Variants in CSMD1 observed in about 807,000 individuals in gnomAD.
The protein encoded by CSMD1 is CUB and sushi domain-containing protein 1.
Under a neutral mutation model 417.5 loss-of-function variants are expected in CSMD1, and 213 were observed. That is an observed-to-expected ratio of 0.51 (90% CI 0.46 to 0.57). CSMD1 has a LOEUF of 0.57. CSMD1 is among the 20% of genes least tolerant of loss of function. The pLI is 0.00. For missense variants in CSMD1, 6,923 were observed against 4,529.7 expected (o/e 1.53, Z -15.17); for synonymous variants, 2,862 against 1,736.8 (o/e 1.65, Z -16.11).
chr8:3,691,135 G>C (rs1800217491), intron 7 of CSMD1, among the ~76,000 whole-genome samples: 1 of 152,140 alleles, frequency 6.6e-6, no homozygotes, highest in East Asian at 1.9e-4. Context: ...GGGAGGCCGG[G>C]GCAGGCGGAT....
At chr8:4,464,773 G>T (rs1039110887) in intron 2 of CSMD1, among the ~76,000 whole-genome samples, 3 of 152,220 alleles carry the variant, frequency 2.0e-5, no homozygotes, top group South Asian at 4.1e-4. Flanking sequence ...TGCTGAGTGG[G>T]GTGGGGCTGG....
At position 2,963,351 on chromosome 8, in the gene CSMD1, C is replaced by T. The variant is rs780990878; in HGVS notation, c.9325G>A (p.Glu3109Lys). Residue 3109 changes from glutamate (E) to lysine (K), a missense_variant, in exon 60 of 70, where the codon GAG becomes AAG. Transcript: ENST00000635120. ...GAGCCCCAGCGGAAATCACTTCCCT[C>T]CACTGTTCCATTCTGCACCGGCGGC... Reference protein sequence around the residue: ...QPPPVQNGTVEGSDFRWGSSI... With the variant: ...QPPPVQNGTVKGSDFRWGSSI... The T allele has an allele frequency of 3.1e-6, 5 of 1,613,968 alleles. No homozygotes were observed. The highest frequency in any genetic ancestry group is 4.2e-6 in the Non-Finnish European group (5 of 1,179,868).
At chr8:3,535,794 C>A (rs1798170760) in intron 10 of CSMD1, among the ~76,000 whole-genome samples, 1 of 152,110 alleles carries the variant, frequency 6.6e-6, no homozygotes, top group African/African-American at 2.4e-5. Context: ...TGAAAATTCC[C>A]AAGGGCTGGA....
chr8:4,646,491 G>C (rs1585385625), intron 1 of CSMD1, among the ~76,000 whole-genome samples: 1 of 152,268 alleles, frequency 6.6e-6, no homozygotes. Flanking sequence ...AATTGATGTA[G>C]TTTAATTGGG....
chr8:3,987,773 G>A (rs1427634031), intron 5 of CSMD1, among the ~76,000 whole-genome samples: 1 of 152,216 alleles, frequency 6.6e-6, no homozygotes, highest in East Asian at 1.9e-4. Flanking sequence ...TCAGGCCAAA[G>A]CAGGCTCTGC....
intron 3 of CSMD1, among the ~76,000 whole-genome samples, chr8:4,377,660 C>G (rs1802841478): frequency 2.0e-5 from 3 of 152,096 alleles, no homozygotes; most frequent in African/African-American, 7.2e-5. Context: ...TTCTTTTTAG[C>G]AAAGTATATA....
At chr8:3,691,105 AC>A (rs1800214839) in intron 7 of CSMD1, among the ~76,000 whole-genome samples, 1 of 152,026 alleles carries the variant, frequency 6.6e-6, no homozygotes, top group Non-Finnish European at 1.5e-5. Context: ...GGTGGCTCAC[AC>A]CTGTAACCCC....
intron 1 of CSMD1, among the ~76,000 whole-genome samples, chr8:4,816,134 TTGTC>T (rs1258199141): frequency 6.6e-6 from 1 of 152,018 alleles, no homozygotes; most frequent in Non-Finnish European, 1.5e-5. Flanking sequence ...GACTTCAAGT[TTGTC>T]TGAGGCTTTG....
intron 2 of CSMD1, among the ~76,000 whole-genome samples, chr8:4,474,702 C>A (rs1800707626): frequency 6.6e-6 from 1 of 152,130 alleles, no homozygotes; most frequent in African/African-American, 2.4e-5. Context: ...GAGCAGTTTA[C>A]TCCCACGTGG....
chr8:4,261,599 G>C (rs1162407417), intron 3 of CSMD1, among the ~76,000 whole-genome samples: 1 of 151,926 alleles, frequency 6.6e-6, no homozygotes, highest in South Asian at 2.1e-4. Context: ...TTATAGAGAT[G>C]AGGTCTTGCT....
chr8:3,776,958 C>G (rs2129061356), intron 5 of CSMD1, among the ~76,000 whole-genome samples: 1 of 152,022 alleles, frequency 6.6e-6, no homozygotes, highest in African/African-American at 2.4e-5. Flanking sequence ...AAGTGATTCT[C>G]CTACCTGGGC....
chr8:4,069,048 A>G (rs1799406897), intron 3 of CSMD1, among the ~76,000 whole-genome samples: 1 of 152,152 alleles, frequency 6.6e-6, no homozygotes, highest in Non-Finnish European at 1.5e-5. Context: ...CTTTCCTTCT[A>G]TAGACTATTT....
At position 3,348,082 on chromosome 8, in the gene CSMD1, A is replaced by G. The variant is rs764661343; in HGVS notation, c.3384T>C (p.His1128=). Residue 1128 remains histidine (H), a synonymous_variant, in exon 22 of 70, where the codon CAT becomes CAC. Coordinates refer to ENST00000635120, the MANE Select transcript of CSMD1 (RefSeq NM_033225.6). ...PNFPSNYDNN[H]ECIYKIETEA... The stretch of plus-strand genomic sequence containing the variant: ...CTGTTTCTATTTTATAGATACACTC[A>G]TGGTTATTATCATAATTGGATGGAA... The G allele has an allele frequency of 3.4e-5, 55 of 1,612,420 alleles. No homozygotes were observed. Among genetic ancestry groups the G allele is most frequent in the Non-Finnish European group, 4.2e-5 (50 of 1,178,992 alleles).
intron 3 of CSMD1, among the ~76,000 whole-genome samples, chr8:4,316,430 G>A (rs888374982): frequency 7.2e-5 from 11 of 152,132 alleles, no homozygotes; most frequent in Non-Finnish European, 1.6e-4. Flanking sequence ...ATATTAGGTT[G>A]ATGTGAAATA....
At chr8:3,610,317 G>A (rs140562392) in intron 8 of CSMD1, among the ~76,000 whole-genome samples, 25 of 152,274 alleles carry the variant, frequency 1.6e-4, no homozygotes, top group African/African-American at 5.8e-4. Context: ...AGGACTGCTT[G>A]AGGCCAGGAG....
At chr8:3,171,550 C>T (rs1820584560) in intron 37 of CSMD1, among the ~76,000 whole-genome samples, 1 of 152,160 alleles carries the variant, frequency 6.6e-6, no homozygotes, top group African/African-American at 2.4e-5. Flanking sequence ...CATGTCTAGA[C>T]TCTTTATTCC....
chr8:3,635,483 CTTTTTTT>C (rs562990317), intron 7 of CSMD1, among the ~76,000 whole-genome samples: 1 of 125,932 alleles, frequency 7.9e-6, no homozygotes, highest in African/African-American at 3.1e-5. Context: ...GACTCCATCT[CTTTTTTT>C]TTTTTTTTTT....
intron 26 of CSMD1, among the ~76,000 whole-genome samples, chr8:3,242,132 C>G (rs1354329370): frequency 2.0e-5 from 3 of 151,574 alleles, no homozygotes; most frequent in East Asian, 3.9e-4. Flanking sequence ...GCCTTTAGCT[C>G]CAGCCACCTT....
intron 3 of CSMD1, among the ~76,000 whole-genome samples, chr8:4,232,162 C>T: frequency 6.6e-6 from 1 of 152,078 alleles, no homozygotes; most frequent in East Asian, 1.9e-4. Context: ...CTTCAAAATC[C>T]AAGTGTATTG....
Sources: allele counts gnomAD v4.1 joint callset (sites outside exome capture counted in the v4.1 genomes callset), GRCh38; gene constraint gnomAD v4.1.1; transcripts MANE v1.5; gene names NCBI Gene and HGNC (gene_info 2026-07-23, HGNC 2026-07-21).